The following DNAJB1 variants were observed in gnomAD, a reference collection of about 807,000 sequenced individuals.
DNAJB1 encodes dnaJ homolog subfamily B member 1.
In DNAJB1, 14 loss-of-function variants were observed where a neutral mutation model predicts 24.0. That is an observed-to-expected ratio of 0.58 (90% CI 0.39 to 0.91). The LOEUF (loss-of-function observed/expected upper bound fraction) is 0.91. Ranked by LOEUF, DNAJB1 falls within the 40% of genes least tolerant of loss-of-function variation. The pLI, the probability that DNAJB1 is intolerant of heterozygous loss-of-function variation, is 0.00. For missense variants in DNAJB1, 517 were observed against 458.1 expected (o/e 1.13, Z -1.17); for synonymous variants, 262 against 174.4 (o/e 1.50, Z -3.96).
chr19:14,543,448 T>A (rs1458256338), intron 1 of DNAJB1, among the ~76,000 whole-genome samples: 20 of 49,254 alleles, frequency 4.1e-4, no homozygotes, highest in Non-Finnish European at 6.4e-4. Flanking sequence ...TTTTTTTTTT[T>A]TTTTTTTTGA....
chr19:14,549,016 AT>A (rs111721704), intron 1 of DNAJB1, among the ~76,000 whole-genome samples: 44,167 of 150,718 alleles, frequency 0.29, 8,024 homozygotes, highest in African/African-American at 0.5. Flanking sequence ...GGTTTCTTTG[AT>A]TTTTTTTTTC....
At chr19:14,556,829 G>A (rs1460351063) in intron 1 of DNAJB1, among the ~76,000 whole-genome samples, 2 of 152,180 alleles carry the variant, frequency 1.3e-5, no homozygotes, top group Admixed American at 6.5e-5. Flanking sequence ...CGGCCACAAG[G>A]GGGCAGTGGG....
chr19:14,542,347 GTTTTTTTTTTT>G (rs71166754), intron 1 of DNAJB1, among the ~76,000 whole-genome samples: 994 of 43,306 alleles, frequency 0.023, 20 homozygotes, highest in South Asian at 0.13. Context: ...ATGCCATAGT[GTTTTTTTTTTT>G]TTTTTTTTTT....
intron 1 of DNAJB1, among the ~76,000 whole-genome samples, chr19:14,558,574 G>A (rs1042336579): frequency 5.9e-5 from 9 of 152,126 alleles, no homozygotes; most frequent in Admixed American, 2.0e-4. Context: ...GCCACAGGCC[G>A]GCAGAGCCAC....
At chr19:14,546,988 C>G (rs2073330647) in intron 1 of DNAJB1, among the ~76,000 whole-genome samples, 1 of 152,126 alleles carries the variant, frequency 6.6e-6, no homozygotes, top group Non-Finnish European at 1.5e-5. Context: ...AGCCACTGCA[C>G]CCAGCCTAAA....
intron 1 of DNAJB1, among the ~76,000 whole-genome samples, chr19:14,542,374 T>TTTTTTTTTTTTC (rs1469315066): frequency 8.5e-6 from 1 of 117,182 alleles, no homozygotes; most frequent in African/African-American, 3.3e-5. Context: ...TTTTTTTTTT[T>TTTTTTTTTTTTC]TTCTGAGATG....
upstream of DNAJB1, among the ~76,000 whole-genome samples, chr19:14,554,367 G>A (rs141882849): frequency 3.0e-3 from 451 of 152,274 alleles, 1 homozygote; most frequent in Middle Eastern, 6.8e-3. Flanking sequence ...AGATGAGGCC[G>A]GCCCAGAATC....
At chr19:14,542,345 GTGTT>G (rs2073123693) in intron 1 of DNAJB1, among the ~76,000 whole-genome samples, 1 of 61,000 alleles carries the variant, frequency 1.6e-5, no homozygotes, top group African/African-American at 5.2e-5. Flanking sequence ...TCATGCCATA[GTGTT>G]TTTTTTTTTT....
At position 14,545,486 on chromosome 19, in the gene DNAJB1, C is replaced by T. The variant is rs576273182; in HGVS notation, c.-214+4722G>A. On this transcript the variant is annotated intron_variant, in intron 1 of 3. Coordinates refer to the DNAJB1 transcript ENST00000676982. ...GTAATAGGTGCTTTGTTCATGTCCC[C>T]TTGAGCACCAGCAAGCCTAGGGGGT... 3.3e-5 allele frequency among the ~76,000 whole-genome samples: 5 copies of T among 152,324 alleles called. No individual in the cohort carries two copies. In the South Asian group the frequency reaches 8.3e-4, roughly 25 times the overall value.
Position 14,518,253 on chromosome 19 carries a change from G to C in DNAJB1, c.97C>G (p.Pro33Ala). 1 of 1,608,268 alleles carries C rather than the reference G, an allele frequency of 6.2e-7. No homozygotes were observed. The highest frequency in any genetic ancestry group is 8.5e-7 in the Non-Finnish European group (1 of 1,177,964). Residue 33 changes from proline (P) to alanine (A), a missense_variant, in exon 1 of 3, where the codon CCG (proline) becomes GCG (alanine). Pro to Ala is a conservative substitution (Grantham distance 27). Transcript: ENST00000254322. The part of the protein sequence containing the change: ...AYRRQALRYH[P>A]DKNKEPGAEE... ...GCGCCGGGCTCCTTGTTCTTGTCCG[G>C]GTGGTAGCGCAGCGCCTGGCGGCGG...
At chr19:14,540,260 G>C (rs2073052272) in intron 1 of DNAJB1, among the ~76,000 whole-genome samples, 1 of 151,706 alleles carries the variant, frequency 6.6e-6, no homozygotes, top group Non-Finnish European at 1.5e-5. Context: ...ACTAGAGACA[G>C]GGTTTCACTG....
upstream of DNAJB1, chr19:14,518,473 T>A: frequency 7.3e-6 from 5 of 689,396 alleles, no homozygotes; most frequent in African/African-American, 1.9e-5. Context: ...TCCAGAACCT[T>A]CCGCCCCGCC....
chr19:14,549,370 G>A (rs752730843), intron 1 of DNAJB1, among the ~76,000 whole-genome samples: 22 of 151,976 alleles, frequency 1.4e-4, no homozygotes, highest in African/African-American at 2.7e-4. Flanking sequence ...GCGCCACCAT[G>A]CCCAGCTAAC....
At chr19:14,544,820 A>G (rs2073246039) in intron 1 of DNAJB1, among the ~76,000 whole-genome samples, 1 of 151,768 alleles carries the variant, frequency 6.6e-6, no homozygotes, top group Admixed American at 6.6e-5. Flanking sequence ...TTCTGTAGAG[A>G]TGGGGTCTTG....
upstream of DNAJB1, chr19:14,529,819 C>A: frequency 6.5e-7 from 1 of 1,527,896 alleles, no homozygotes; most frequent in Non-Finnish European, 9.0e-7. Context: ...GAAGGAAGAG[C>A]CAGACGGCGC....
upstream of DNAJB1, among the ~76,000 whole-genome samples, chr19:14,550,966 C>A (rs2073479560): frequency 6.6e-6 from 1 of 151,876 alleles, no homozygotes; most frequent in Admixed American, 6.6e-5. Flanking sequence ...ACTACCACAC[C>A]CGGCCGCTCC....
rs573409276 is a variant in DNAJB1 at position 14,517,908 on chromosome 19, G to A, written c.211+231C>T. 2.2e-3 allele frequency: 903 copies of A among 410,936 alleles called. 3 individuals carry two copies. The highest frequency in any genetic ancestry group is 3.1e-3 in the Non-Finnish European group (744 of 237,564). The allele number at this position is 410,936 out of a possible 1,614,324, so 25.5% of individuals were successfully genotyped here. A position where few individuals can be genotyped will look rare whatever the true frequency, so the allele number is the denominator to read the frequency against. The stretch of plus-strand genomic sequence containing the variant: ...GGCCGCGGGAGGAGGCGCCCGGGGA[G>A]GGGCAGCCCCAGACATGCTAGAAGC... On this transcript the variant is annotated intron_variant, in intron 1 of 2. Transcript: ENST00000254322.
At chr19:14,547,662 T>TA (rs919582722) in intron 1 of DNAJB1, among the ~76,000 whole-genome samples, 9 of 30,938 alleles carry the variant, frequency 2.9e-4, no homozygotes, top group African/African-American at 8.8e-4. Flanking sequence ...GTACCTAATA[T>TA]TTTTTTTTTT....
upstream of DNAJB1, among the ~76,000 whole-genome samples, chr19:14,551,918 CCTCCCTCCCTCTCT>C (rs2073524879): frequency 7.8e-6 from 1 of 128,684 alleles, no homozygotes. Flanking sequence ...TCTCCCCCTC[CCTCCCTCCCTCTCT>C]CTCTCCCTCC....
Sources: allele counts gnomAD v4.1 joint callset (sites outside exome capture counted in the v4.1 genomes callset), GRCh38; gene constraint gnomAD v4.1.1; transcripts MANE v1.5; gene names NCBI Gene and HGNC (gene_info 2026-07-23, HGNC 2026-07-21).